The following MBD5 variants were observed in gnomAD, a reference collection of about 807,000 sequenced individuals.
MBD5 encodes the protein methyl-CpG binding domain protein 5.
In MBD5, 13 loss-of-function variants were observed where a neutral mutation model predicts 117.3. The ratio of observed to expected loss-of-function variants is 0.11; its 90% CI spans 0.07 to 0.18. The LOEUF is 0.18. Among genes scored for constraint, MBD5 ranks in the 10% least tolerant of loss-of-function variants. MBD5 has a pLI of 1.00. For synonymous variants in MBD5, 727 were observed against 766.4 expected (o/e 0.95, Z 0.85); for missense variants, 1,879 against 2,093.8 (o/e 0.90, Z 2.00).
At chr2:148,406,243 T>G (rs1014044910) in intron 4 of MBD5, among the ~76,000 whole-genome samples, 1 of 152,204 alleles carries the variant, frequency 6.6e-6, no homozygotes, top group African/African-American at 2.4e-5. Flanking sequence ...TTTTTCTGGC[T>G]TTGAATACTT....
At chr2:148,443,754 G>C (rs1706403957) in intron 4 of MBD5, among the ~76,000 whole-genome samples, 1 of 151,222 alleles carries the variant, frequency 6.6e-6, no homozygotes, top group Non-Finnish European at 1.5e-5. Context: ...GGGAAGGGTA[G>C]TGGGGGTTTT....
intron 4 of MBD5, among the ~76,000 whole-genome samples, chr2:148,385,778 C>T (rs1298477088): frequency 1.9e-5 from 2 of 107,710 alleles, no homozygotes; most frequent in Non-Finnish European, 2.0e-5. Flanking sequence ...TACTATGCAG[C>T]CATAAAAAAG....
chr2:148,361,440 C>G (rs77551139), intron 4 of MBD5, among the ~76,000 whole-genome samples: 18,969 of 152,106 alleles, frequency 0.12, 1,562 homozygotes, highest in Non-Finnish European at 0.19. Context: ...GGGACACTGA[C>G]TCCCCTGTTT....
In MBD5 at chr2:148,469,245, G is replaced by C; in HGVS notation, c.1302G>C (p.Leu434=). 2.5e-6 allele frequency: 4 copies of C among 1,613,946 alleles called. No homozygotes were observed. Among genetic ancestry groups the C allele is most frequent in the Non-Finnish European group, 3.4e-6 (4 of 1,179,962 alleles). ...QRVQHSASTS[L]SPSPVTSPVH... ...TTCAGCATTCAGCTTCAACCTCCCT[G>C]TCCCCTTCTCCAGTGACATCCCCCG... Residue 434 remains leucine, a synonymous_variant, in exon 8 of 14, where the codon CTG becomes CTC. Transcript: ENST00000642680.
At chr2:148,101,256 G>A (rs1164649529) in intron 1 of MBD5, among the ~76,000 whole-genome samples, 1 of 151,874 alleles carries the variant, frequency 6.6e-6, no homozygotes, top group African/African-American at 2.4e-5. Flanking sequence ...TTCAAGACCA[G>A]CCTGGGCAAC....
At chr2:148,197,794 G>GTTTTTTTTTTT (rs56029734) in intron 2 of MBD5, among the ~76,000 whole-genome samples, 1 of 102,572 alleles carries the variant, frequency 9.7e-6, no homozygotes, top group Non-Finnish European at 1.9e-5. Context: ...AGCATCTGAG[G>GTTTTTTTTTTT]TTTTTTTTTT....
intron 3 of MBD5, among the ~76,000 whole-genome samples, chr2:148,310,591 A>T (rs1457340840): frequency 6.6e-6 from 1 of 152,126 alleles, no homozygotes; most frequent in African/African-American, 2.4e-5. Context: ...TTTTCAAAAA[A>T]CCAGCTCCTG....
At chr2:148,342,710 C>T (rs1012446005) in intron 4 of MBD5, among the ~76,000 whole-genome samples, 4 of 151,646 alleles carry the variant, frequency 2.6e-5, no homozygotes, top group Non-Finnish European at 4.4e-5. Context: ...ATGGTGTTTC[C>T]CTGCTCTGCT....
chr2:148,140,500 C>A (rs1260493205), intron 1 of MBD5, among the ~76,000 whole-genome samples: 1 of 152,082 alleles, frequency 6.6e-6, no homozygotes, highest in Admixed American at 6.5e-5. Context: ...TTTAGTTAAT[C>A]TCTTGAGGAA....
intron 4 of MBD5, among the ~76,000 whole-genome samples, chr2:148,409,224 A>G (rs913317706): frequency 6.6e-6 from 1 of 151,966 alleles, no homozygotes; most frequent in Admixed American, 6.6e-5. Context: ...GTCTCTACAA[A>G]AAAATAAACA....
intron 1 of MBD5, among the ~76,000 whole-genome samples, chr2:148,175,744 A>AT (rs1698369723): frequency 1.3e-5 from 2 of 152,206 alleles, no homozygotes; most frequent in African/African-American, 4.8e-5. Context: ...TAACTTATGT[A>AT]ATCTATGTTC....
intron 3 of MBD5, among the ~76,000 whole-genome samples, chr2:148,292,124 A>G (rs1701513871): frequency 6.6e-6 from 1 of 152,224 alleles, no homozygotes; most frequent in African/African-American, 2.4e-5. Flanking sequence ...ACAAGAAAAC[A>G]TTGGAGTAGC....
intron 3 of MBD5, among the ~76,000 whole-genome samples, chr2:148,324,306 G>A (rs1208533108): frequency 1.3e-5 from 2 of 152,104 alleles, no homozygotes; most frequent in East Asian, 3.9e-4. Context: ...TTTTGGCTCA[G>A]GATTGACTTG....
At chr2:148,305,000 G>A in intron 3 of MBD5, among the ~76,000 whole-genome samples, 1 of 151,374 alleles carries the variant, frequency 6.6e-6, no homozygotes, top group Non-Finnish European at 1.5e-5. Flanking sequence ...GGGAGGCGGA[G>A]CTTGCAGTGA....
intron 3 of MBD5, among the ~76,000 whole-genome samples, chr2:148,318,675 A>G (rs2106560800): frequency 6.6e-6 from 1 of 152,026 alleles, no homozygotes; most frequent in Admixed American, 6.5e-5. Context: ...TGGCTATCCA[A>G]TTTTCCCAGT....
chr2:148,119,186 A>G (rs969755326), intron 1 of MBD5, among the ~76,000 whole-genome samples: 26 of 152,066 alleles, frequency 1.7e-4, no homozygotes, highest in African/African-American at 5.6e-4. Flanking sequence ...ATTTTTATCT[A>G]TCTTTTTTTA....
chr2:148,141,080 A>G (rs1697301760), intron 1 of MBD5, among the ~76,000 whole-genome samples: 1 of 152,182 alleles, frequency 6.6e-6, no homozygotes, highest in Non-Finnish European at 1.5e-5. Context: ...CTGGTAATGC[A>G]TTTTAAATTG....
At chr2:148,481,241 G>A (rs1215886438) in intron 8 of MBD5, among the ~76,000 whole-genome samples, 2 of 152,084 alleles carry the variant, frequency 1.3e-5, no homozygotes, top group East Asian at 3.8e-4. Flanking sequence ...AATAAATATA[G>A]TAAATACATA....
chr2:148,031,844 A>T (rs1694048530), intron 1 of MBD5, among the ~76,000 whole-genome samples: 1 of 152,130 alleles, frequency 6.6e-6, no homozygotes, highest in South Asian at 2.1e-4. Flanking sequence ...ACCCAGGTTG[A>T]TCCCTAGGAT....
Sources: allele counts gnomAD v4.1 joint callset (sites outside exome capture counted in the v4.1 genomes callset), GRCh38; gene constraint gnomAD v4.1.1; transcripts MANE v1.5; gene names NCBI Gene and HGNC (gene_info 2026-07-23, HGNC 2026-07-21).